The following TMBIM4 variants were observed in gnomAD, a reference collection of about 807,000 sequenced individuals.
TMBIM4 encodes transmembrane BAX inhibitor motif containing 4.
TMBIM4 carries 28 observed loss-of-function variants against 27.7 expected under a neutral mutation model. The ratio of observed to expected loss-of-function variants is 1.01; its 90% CI spans 0.75 to 1.38. TMBIM4 has a LOEUF of 1.38. Among genes scored for constraint, TMBIM4 ranks in the 40% most tolerant of loss-of-function variants. The probability of loss-of-function intolerance (pLI) is 0.00; values close to 1 mark genes in which losing one functional copy is unlikely to be tolerated. For missense variants in TMBIM4, 265 were observed against 277.5 expected (o/e 0.95, Z 0.32); for synonymous variants, 115 against 113.1 (o/e 1.02, Z -0.11).
intron 1 of TMBIM4, chr12:66,169,008 G>T: frequency 3.7e-6 from 1 of 268,796 alleles, no homozygotes; most frequent in South Asian, 1.1e-4. Context: ...TAAATGCTAG[G>T]CACCAAGATT....
At chr12:66,158,496 G>A (rs1240780819) in intron 1 of TMBIM4, among the ~76,000 whole-genome samples, 2 of 151,840 alleles carry the variant, frequency 1.3e-5, no homozygotes, top group Non-Finnish European at 2.9e-5. Flanking sequence ...AAAATTAGCT[G>A]GGTGTGGTGG....
chr12:66,168,007 T>C (rs536326368), intron 1 of TMBIM4, among the ~76,000 whole-genome samples: 1 of 151,714 alleles, frequency 6.6e-6, no homozygotes, highest in Admixed American at 6.6e-5. Context: ...ATCGCTTGAG[T>C]CCAGGAGTTC....
chr12:66,169,818 C>T, intron 1 of TMBIM4, 37 bp downstream of exon 1: 2 of 1,479,192 alleles, frequency 1.4e-6, no homozygotes, highest in South Asian at 2.5e-5. Flanking sequence ...GCAGTGCAGA[C>T]AAGCGGCTGG....
chr12:66,149,461 A>AAG (rs1555199140), intron 3 of TMBIM4, among the ~76,000 whole-genome samples: 2 of 151,168 alleles, frequency 1.3e-5, no homozygotes, highest in Non-Finnish European at 2.9e-5. Context: ...AAAAAAAAAA[A>AAG]AAAGAAAGAA....
chr12:66,169,836 TGGAGAGG>T lies in TMBIM4; in HGVS notation c.97+12_97+18del. 1 of 1,505,128 alleles carries T rather than the reference TGGAGAGG, an allele frequency of 6.6e-7. No homozygotes were observed. 93.2% of individuals were successfully genotyped at this position (1,505,128 alleles called of 1,614,324 possible). A position where few individuals can be genotyped will look rare whatever the true frequency, so the allele number is the denominator to read the frequency against. On this transcript the variant is annotated intron_variant, in intron 1 of 6. Transcript: ENST00000358230. ...GTGCAGACAAGCGGCTGGGAGGCAC[TGGAGAGG>T]GGACAACGTACCCATTCGGATGTGC...
At chr12:66,147,870 A>T in intron 4 of TMBIM4, 38 bp downstream of exon 4, 2 of 1,573,268 alleles carry the variant, frequency 1.3e-6, no homozygotes, top group Non-Finnish European at 1.7e-6. Context: ...CTACATTAAA[A>T]AGTTATTATA....
At chr12:66,155,241 T>G (rs1172881733) in intron 1 of TMBIM4, among the ~76,000 whole-genome samples, 1 of 151,924 alleles carries the variant, frequency 6.6e-6, no homozygotes, top group East Asian at 1.9e-4. Flanking sequence ...CACTACAGCC[T>G]CCATGTCCTG....
chr12:66,144,055 G>A (rs1565782339), intron 5 of TMBIM4, among the ~76,000 whole-genome samples: 1 of 152,110 alleles, frequency 6.6e-6, no homozygotes, highest in Non-Finnish European at 1.5e-5. Flanking sequence ...TATACCAAGA[G>A]CAGTAGTGAA....
intron 3 of TMBIM4, among the ~76,000 whole-genome samples, chr12:66,151,363 A>G (rs1256884873): frequency 6.6e-6 from 1 of 151,972 alleles, no homozygotes; most frequent in Admixed American, 6.6e-5. Context: ...TCAGCCTCCC[A>G]AGTAGCTGGG....
At chr12:66,167,838 C>A (rs1181924793) in intron 1 of TMBIM4, among the ~76,000 whole-genome samples, 1 of 152,138 alleles carries the variant, frequency 6.6e-6, no homozygotes, top group Non-Finnish European at 1.5e-5. Flanking sequence ...TCAAAGTAGT[C>A]AAGAGGTAGA....
At chr12:66,150,588 T>C (rs1031269890) in intron 3 of TMBIM4, among the ~76,000 whole-genome samples, 1 of 151,802 alleles carries the variant, frequency 6.6e-6, no homozygotes, top group Non-Finnish European at 1.5e-5. Context: ...AATTTTTGTA[T>C]TTTTTGCAGA....
intron 1 of TMBIM4, among the ~76,000 whole-genome samples, chr12:66,158,631 C>A (rs970927580): frequency 1.4e-5 from 2 of 144,436 alleles, no homozygotes; most frequent in Non-Finnish European, 3.0e-5. Context: ...GGTGACAGAG[C>A]AAGACTCTGT....
intron 1 of TMBIM4, among the ~76,000 whole-genome samples, chr12:66,156,676 G>A (rs546905613): frequency 6.6e-6 from 1 of 152,112 alleles, no homozygotes; most frequent in Non-Finnish European, 1.5e-5. Flanking sequence ...GACCTACAAG[G>A]TCCCACATGA....
At chr12:66,161,283 C>G (rs2052036573) in intron 1 of TMBIM4, 1 of 152,650 alleles carries the variant, frequency 6.6e-6, no homozygotes, top group African/African-American at 2.4e-5. Flanking sequence ...CTCTGTCGCC[C>G]AGGGTGGAGT....
chr12:66,137,863 A>T lies in TMBIM4; in HGVS notation c.*97T>A. On this transcript the variant is annotated 3_prime_UTR_variant, in exon 7 of 7. Transcript: ENST00000358230. ...ATCATTGTTTCAAACTTTATTACTT[A>T]ATGAAACAGTTTCTATATACTGCTT... 1 of 899,546 alleles carries T rather than the reference A, an allele frequency of 1.1e-6. No homozygotes were observed. The highest frequency in any genetic ancestry group is 1.7e-6 in the Non-Finnish European group (1 of 586,514). The allele number at this position is 899,546 out of a possible 1,614,324, so 55.7% of individuals were successfully genotyped here. A position where few individuals can be genotyped will look rare whatever the true frequency, so the allele number is the denominator to read the frequency against.
chr12:66,157,350 TG>T (rs1787173809), intron 1 of TMBIM4, among the ~76,000 whole-genome samples: 2 of 152,140 alleles, frequency 1.3e-5, no homozygotes, highest in South Asian at 4.1e-4. Context: ...GTAGCCTGCC[TG>T]GGAGCACATC....
chr12:66,166,394 C>T (rs2052127763), intron 1 of TMBIM4, among the ~76,000 whole-genome samples: 1 of 142,072 alleles, frequency 7.0e-6, no homozygotes, highest in Non-Finnish European at 1.5e-5. Flanking sequence ...GAGCCTGGGA[C>T]ATTGAGGCTG....
At chr12:66,154,981 T>A (rs565793104) in intron 1 of TMBIM4, among the ~76,000 whole-genome samples, 2 of 152,200 alleles carry the variant, frequency 1.3e-5, no homozygotes, top group Non-Finnish European at 2.9e-5. Flanking sequence ...CATTGTATTT[T>A]GGCTTAGAGA....
chr12:66,169,034 C>A (rs1168742), intron 1 of TMBIM4: 8,701 of 324,858 alleles, frequency 0.027, 678 homozygotes, highest in African/African-American at 0.17. Context: ...TGCATCAGAA[C>A]TATCTTCATC....
Sources: gnomAD v4.1 joint callset for allele counts (sites outside exome capture counted in the v4.1 genomes callset) on GRCh38, gnomAD v4.1.1 for gene constraint, MANE v1.5 for transcripts, NCBI Gene and HGNC (gene_info 2026-07-23, HGNC 2026-07-21) for gene names.